ZNF609: variants seen among roughly 807,000 people sequenced by gnomAD.
ZNF609 encodes zinc finger protein 609.
ZNF609 carries 11 observed loss-of-function variants against 109.5 expected under a neutral mutation model. The observed-to-expected ratio is 0.10, with a 90% CI of 0.06 to 0.17. The LOEUF (loss-of-function observed/expected upper bound fraction) is 0.17. Among genes scored for constraint, ZNF609 ranks in the 10% least tolerant of loss-of-function variants. ZNF609 has a pLI of 1.00. For missense variants in ZNF609, 1,559 were observed against 1,772.4 expected, an observed-to-expected ratio of 0.88 and a Z score of 2.16; for synonymous variants, 646 against 662.0, an observed-to-expected ratio of 0.98 and a Z score of 0.37.
chr15:64,681,215 AT>A (rs1316086589), intron 8 of ZNF609, 93 bp from the exon 9 acceptor site: 69 of 1,090,908 alleles, frequency 6.3e-5, no homozygotes, highest in Middle Eastern at 2.2e-4. Context: ...TGAGTATCAG[AT>A]TTTTTTTTCT....
chr15:64,537,112 A>G (rs1894162436), intron 2 of ZNF609, among the ~76,000 whole-genome samples: 1 of 151,112 alleles, frequency 6.6e-6, no homozygotes, highest in South Asian at 2.1e-4. Flanking sequence ...AATCCCAGCT[A>G]CTCGGGAGGC....
At chr15:64,532,629 A>G (rs1366882182) in intron 2 of ZNF609, among the ~76,000 whole-genome samples, 1 of 152,180 alleles carries the variant, frequency 6.6e-6, no homozygotes, top group African/African-American at 2.4e-5. Context: ...CATCTTTAAG[A>G]TGGAGCGCTG....
Position 64,670,377 on chromosome 15 carries a change from C to G in ZNF609, c.1005C>G (p.Asn335Lys). The change falls in exon 4 of 10, where the codon AAC (asparagine) becomes AAG (lysine). Residue 335 changes from asparagine to lysine, a missense_variant. Coordinates refer to ENST00000326648, the MANE Select transcript of ZNF609 (RefSeq NM_015042.2). The stretch of plus-strand genomic sequence containing the variant: ...TGGTGGTAAATGTAACGTGGAGGAA[C>G]AAGACATATGTAGGTACACTCCTTG... ...GMLVVNVTWRNKTYVGTLLDC... is the reference protein window; with the variant it reads ...GMLVVNVTWRKKTYVGTLLDC... 6.2e-7 allele frequency: 1 copy of G among 1,614,058 alleles called. No individual in the cohort carries two copies. Among genetic ancestry groups the G allele is most frequent in the Non-Finnish European group, 8.5e-7 (1 of 1,179,962 alleles).
At chr15:64,527,332 A>C (rs1304376894) in intron 2 of ZNF609, among the ~76,000 whole-genome samples, 8 of 150,444 alleles carry the variant, frequency 5.3e-5, no homozygotes, top group African/African-American at 2.0e-4. Context: ...TCTTCTGTAA[A>C]GATGGAGGTG....
At chr15:64,642,542 C>G (rs1896277347) in intron 3 of ZNF609, among the ~76,000 whole-genome samples, 1 of 152,146 alleles carries the variant, frequency 6.6e-6, no homozygotes, top group African/African-American at 2.4e-5. Flanking sequence ...ACTTGTCATC[C>G]TAGCAATTTG....
In ZNF609 at chr15:64,540,826, G is replaced by C. The variant is rs183550346; in HGVS notation, c.747+40660G>C. ...GGGCGGATCACGAGGTCAAGAGATC[G>C]AGACCATTCTGGCCAACATGGTGAA... On this transcript the variant is annotated intron_variant, in intron 2 of 9. Coordinates refer to ENST00000326648, the MANE Select transcript of ZNF609 (RefSeq NM_015042.2). Among the ~76,000 whole-genome samples, 9 of 148,298 alleles carry C rather than the reference G, an allele frequency of 6.1e-5. No individual in the cohort carries two copies. In the East Asian group the frequency reaches 1.5e-3, roughly 25 times the overall value.
intron 2 of ZNF609, among the ~76,000 whole-genome samples, chr15:64,605,863 A>G (rs1895586751): frequency 7.2e-6 from 1 of 138,004 alleles, no homozygotes; most frequent in Non-Finnish European, 1.5e-5. Flanking sequence ...TCTCCTGGAT[A>G]GCTGGGATTA....
chr15:64,502,043 A>G (rs1432865454), intron 2 of ZNF609: 1 of 152,212 alleles, frequency 6.6e-6, no homozygotes, highest in Non-Finnish European at 1.5e-5. Context: ...GCTTTGCCAT[A>G]TAAGCTTTGC....
chr15:64,479,054 C>T (rs1019772156), intron 1 of ZNF609, among the ~76,000 whole-genome samples: 1 of 152,072 alleles, frequency 6.6e-6, no homozygotes, highest in Non-Finnish European at 1.5e-5. Context: ...TGTTAGTAGG[C>T]CCTTCCAGTT....
chr15:64,480,354 T>G (rs1436258307), intron 1 of ZNF609, among the ~76,000 whole-genome samples: 1 of 151,986 alleles, frequency 6.6e-6, no homozygotes, highest in African/African-American at 2.4e-5. Context: ...ACCAACATGG[T>G]GAAACCCCGT....
chr15:64,608,312 T>C (rs1295377836), intron 2 of ZNF609, among the ~76,000 whole-genome samples: 2 of 138,020 alleles, frequency 1.4e-5, no homozygotes, highest in East Asian at 3.8e-4. Context: ...AATATAATTG[T>C]ATTTGTAATA....
At chr15:64,461,549 C>T (rs2140324130) in intron 1 of ZNF609, among the ~76,000 whole-genome samples, 1 of 152,234 alleles carries the variant, frequency 6.6e-6, no homozygotes, top group East Asian at 1.9e-4. Context: ...CTTCCTCCCT[C>T]TGGGGTTGAG....
intron 2 of ZNF609, among the ~76,000 whole-genome samples, chr15:64,587,150 A>C (rs1175261770): frequency 1.3e-5 from 2 of 152,230 alleles, no homozygotes; most frequent in Non-Finnish European, 2.9e-5. Context: ...TAAAATAATT[A>C]GTTTATCTGT....
chr15:64,652,385 C>G (rs1194219250), intron 3 of ZNF609, among the ~76,000 whole-genome samples: 1 of 89,150 alleles, frequency 1.1e-5, no homozygotes, highest in Non-Finnish European at 2.4e-5. Flanking sequence ...CCATGCCTGG[C>G]TAATTTTTTT....
At chr15:64,517,641 G>C (rs913130070) in intron 2 of ZNF609, among the ~76,000 whole-genome samples, 1 of 151,904 alleles carries the variant, frequency 6.6e-6, no homozygotes. Flanking sequence ...AGGCTGAGGT[G>C]GGAAGTTCCT....
chr15:64,577,075 C>T (rs1445612596), intron 2 of ZNF609, among the ~76,000 whole-genome samples: 6 of 52,976 alleles, frequency 1.1e-4, no homozygotes, highest in African/African-American at 2.5e-4. Context: ...TATATATACA[C>T]AAATATATAC....
At chr15:64,663,090 T>C (rs1462299814) in intron 3 of ZNF609, among the ~76,000 whole-genome samples, 1 of 152,186 alleles carries the variant, frequency 6.6e-6, no homozygotes, top group Admixed American at 6.5e-5. Context: ...TGATAGGATA[T>C]GAGAGGTTTT....
intron 1 of ZNF609, among the ~76,000 whole-genome samples, chr15:64,493,453 T>C (rs1435288642): frequency 6.6e-6 from 1 of 152,214 alleles, no homozygotes; most frequent in East Asian, 1.9e-4. Context: ...AGATGGATGT[T>C]ATTATGATAT....
chr15:64,481,649 A>G (rs548320257), intron 1 of ZNF609, among the ~76,000 whole-genome samples: 2 of 152,196 alleles, frequency 1.3e-5, no homozygotes, highest in South Asian at 4.2e-4. Flanking sequence ...GCATTTCTAA[A>G]ATATTGGAAA....
Sources: allele counts gnomAD v4.1 joint callset (sites outside exome capture counted in the v4.1 genomes callset), GRCh38; gene constraint gnomAD v4.1.1; transcripts MANE v1.5; gene names NCBI Gene and HGNC (gene_info 2026-07-23, HGNC 2026-07-21).